PTCD2: variants seen among roughly 807,000 people sequenced by gnomAD.
The protein encoded by PTCD2 is pentatricopeptide repeat-containing protein 2, mitochondrial.
PTCD2 carries 31 observed loss-of-function variants against 42.6 expected under a neutral mutation model. The observed-to-expected ratio is 0.73, with a 90% CI of 0.55 to 0.98. The LOEUF (loss-of-function observed/expected upper bound fraction) is 0.98. PTCD2 is among the 50% of genes least tolerant of loss of function. PTCD2 has a pLI of 0.00. For synonymous variants in PTCD2, 183 were observed against 170.9 expected, an observed-to-expected ratio of 1.07 and a Z score of -0.55; for missense variants, 476 against 454.8, an observed-to-expected ratio of 1.05 and a Z score of -0.42.
chr5:72,364,020 A>G lies in PTCD2; in HGVS notation c.*5593A>G, dbSNP rs1249628247. On this transcript the variant is annotated 3_prime_UTR_variant, in exon 10 of 10. Coordinates refer to ENST00000380639, the MANE Select transcript of PTCD2 (RefSeq NM_024754.5). ...ATAAGAAACCGTGAGGAACCAAATCATGGTAAAATTGATTCTAAGGAAATG... is the reference window on the plus strand; with the variant it reads ...ATAAGAAACCGTGAGGAACCAAATCGTGGTAAAATTGATTCTAAGGAAATG... The G allele has an allele frequency of 1.3e-5, 2 of 152,216 alleles. No homozygotes were observed. Among genetic ancestry groups the G allele is most frequent in the Non-Finnish European group, 2.9e-5 (2 of 68,032 alleles). 9.4% of individuals were successfully genotyped at this position (152,216 alleles called of 1,614,324 possible).
At chr5:72,337,748 G>T (rs778236582) in intron 6 of PTCD2, among the ~76,000 whole-genome samples, 5 of 152,130 alleles carry the variant, frequency 3.3e-5, no homozygotes, top group Non-Finnish European at 5.9e-5. Flanking sequence ...AGCTGAAATC[G>T]CACCATTGCA....
chr5:72,328,542 A>G (rs1445436888), intron 3 of PTCD2, among the ~76,000 whole-genome samples: 1 of 152,326 alleles, frequency 6.6e-6, no homozygotes, highest in African/African-American at 2.4e-5. Context: ...ATGCACATAC[A>G]GAGAGGGAAG....
rs1751930758 is a variant in PTCD2 at position 72,339,421 on chromosome 5, TTTTCCTGGCTGGTA to T, written c.753+687_753+700del. ...GAAAAATAGTAACCAAGCCAGGTTA[TTTTCCTGGCTGGTA>T]AAATATAGCTGGAGAACTCTTATTA... On this transcript the variant is annotated intron_variant, in intron 7 of 9. Coordinates refer to ENST00000380639, the MANE Select transcript of PTCD2 (RefSeq NM_024754.5). Among the ~76,000 whole-genome samples, 3 of 152,336 alleles carry T rather than the reference TTTTCCTGGCTGGTA, an allele frequency of 2.0e-5. No homozygotes were observed. The South Asian group carries it at 6.2e-4, about 32-fold the overall frequency.
chr5:72,321,154 C>T (rs1178527883), intron 1 of PTCD2: 1 of 152,322 alleles, frequency 6.6e-6, no homozygotes, highest in Non-Finnish European at 1.5e-5. Context: ...AGTCTCAGTT[C>T]TGCTAACAAT....
chr5:72,355,656 T>C (rs1223777069), intron 9 of PTCD2, among the ~76,000 whole-genome samples: 2 of 152,290 alleles, frequency 1.3e-5, no homozygotes, highest in South Asian at 2.1e-4. Context: ...AGTACACAAA[T>C]TGGAATTCTT....
At chr5:72,358,098 C>A in intron 9 of PTCD2, 105 bp from the exon 10 acceptor site, 1 of 1,041,892 alleles carries the variant, frequency 9.6e-7, no homozygotes, top group Non-Finnish European at 1.4e-6. Context: ...CTCGCCTGGC[C>A]TACCATACAT....
At chr5:72,343,097 A>T in intron 8 of PTCD2, 61 bp downstream of exon 8, 1 of 863,630 alleles carries the variant, frequency 1.2e-6, no homozygotes, top group Non-Finnish European at 1.6e-6. Flanking sequence ...AATGTATTAT[A>T]ATAAAATTAT....
intron 3 of PTCD2, among the ~76,000 whole-genome samples, chr5:72,328,910 AG>A (rs1751281990): frequency 6.6e-6 from 1 of 152,168 alleles, no homozygotes; most frequent in African/African-American, 2.4e-5. Flanking sequence ...TTTGGGGATC[AG>A]GGGGTATGAA....
At chr5:72,349,029 T>C (rs1752495255) in intron 8 of PTCD2, among the ~76,000 whole-genome samples, 1 of 152,248 alleles carries the variant, frequency 6.6e-6, no homozygotes, top group Admixed American at 6.5e-5. Flanking sequence ...TTGGGAGCAA[T>C]GTAGACTCCA....
Position 72,363,011 on chromosome 5 carries a change from G to T in PTCD2, c.*4584G>T, listed in dbSNP as rs2112255563. The T allele has an allele frequency of 6.6e-6, 1 of 152,322 alleles. No homozygotes were observed. Among genetic ancestry groups the T allele is most frequent in the East Asian group, 1.9e-4 (1 of 5,190 alleles). 9.4% of individuals were successfully genotyped at this position (152,322 alleles called of 1,614,324 possible). A position where few individuals can be genotyped will look rare whatever the true frequency, so the allele number is the denominator to read the frequency against. ...ATGAATATTGTTGGGATATTATAATGAGGAGGTAAGGATTTACCTGCTACA... is the reference window on the plus strand; with the variant it reads ...ATGAATATTGTTGGGATATTATAATTAGGAGGTAAGGATTTACCTGCTACA... On this transcript the variant is annotated 3_prime_UTR_variant, in exon 10 of 10. Transcript: ENST00000380639.
intron 8 of PTCD2, among the ~76,000 whole-genome samples, chr5:72,346,871 G>GA (rs1326521747): frequency 1.3e-5 from 2 of 152,166 alleles, no homozygotes; most frequent in African/African-American, 4.8e-5. Context: ...CATCAGGAAG[G>GA]AAAGAAAGGA....
chr5:72,351,436 TAA>T (rs1445508102), intron 8 of PTCD2, among the ~76,000 whole-genome samples: 8 of 152,202 alleles, frequency 5.3e-5, no homozygotes, highest in African/African-American at 1.9e-4. Context: ...TGCAACTTCC[TAA>T]AAACAGAAAA....
In PTCD2 at chr5:72,326,593, A is replaced by G. The variant is rs1751151195; in HGVS notation, c.221-19A>G. 6.2e-7 allele frequency: 1 copy of G among 1,613,776 alleles called. No homozygotes were observed. Among genetic ancestry groups the G allele is most frequent in the Non-Finnish European group, 8.5e-7 (1 of 1,179,902 alleles). ...TCAGTCAGCCTGAGTGATGGTCACC[A>G]TACTGTGCTTTCTTCCAGAAACGTA... On this transcript the variant is annotated intron_variant, in intron 2 of 9. Transcript: ENST00000380639.
rs916879387 is a variant in PTCD2 at position 72,326,523 on chromosome 5, G to A, written c.221-89G>A. 1.4e-5 allele frequency: 20 copies of A among 1,432,348 alleles called. No homozygotes were observed. The African/African-American group carries it at 1.4e-4, about 10-fold the overall frequency. 88.7% of individuals were successfully genotyped at this position (1,432,348 alleles called of 1,614,324 possible). A position where few individuals can be genotyped will look rare whatever the true frequency, so the allele number is the denominator to read the frequency against. On this transcript the variant is annotated intron_variant, in intron 2 of 9. Coordinates refer to ENST00000380639, the MANE Select transcript of PTCD2 (RefSeq NM_024754.5). ...TCTCAGTGCCCCTCTGCAGTGAGCCGGGGTTGGGCTTCCCCATCTTCCTGA... is the reference window on the plus strand; with the variant it reads ...TCTCAGTGCCCCTCTGCAGTGAGCCAGGGTTGGGCTTCCCCATCTTCCTGA...
chr5:72,332,075 T>C (rs1383772563), intron 4 of PTCD2, among the ~76,000 whole-genome samples: 1 of 152,214 alleles, frequency 6.6e-6, no homozygotes, highest in Non-Finnish European at 1.5e-5. Context: ...AGTGTAAGCT[T>C]AGACTGCTTT....
intron 2 of PTCD2, among the ~76,000 whole-genome samples, chr5:72,324,067 A>G (rs949790391): frequency 1.3e-5 from 2 of 152,136 alleles, no homozygotes; most frequent in African/African-American, 4.8e-5. Flanking sequence ...AATGGGGGGA[A>G]TATATTTATC....
chr5:72,358,207 C>G lies in PTCD2; in HGVS notation c.947C>G (p.Ala316Gly), dbSNP rs1248707505. The change falls in exon 10 of 10, where the codon GCC (alanine) becomes GGC (glycine). Residue 316 changes from alanine (A) to glycine (G), a missense_variant. Transcript: ENST00000380639. ...KRHVFSEEVL[A>G]KVREKVKDVP... ...TGTGTTCTTGCTTTTTTCCAGCTGG[C>G]CAAAGTGAGGGAAAAAGTGAAGGAT... 3 of 1,613,344 alleles carry G rather than the reference C, an allele frequency of 1.9e-6. No homozygotes were observed. In the Admixed American group the frequency reaches 5.0e-5, roughly 27 times the overall value.
chr5:72,333,184 T>C (rs1387458269), intron 4 of PTCD2, among the ~76,000 whole-genome samples: 1 of 152,122 alleles, frequency 6.6e-6, no homozygotes, highest in African/African-American at 2.4e-5. Context: ...CCTTGCTGAC[T>C]TCACTCTGGA....
Position 72,364,756 on chromosome 5 carries a change from C to T in PTCD2, c.*6329C>T, listed in dbSNP as rs1753163149. The T allele has an allele frequency of 6.6e-6, 1 of 152,158 alleles. No individual in the cohort carries two copies. The highest frequency in any genetic ancestry group is 1.5e-5 in the Non-Finnish European group (1 of 68,036). 9.4% of individuals were successfully genotyped at this position (152,158 alleles called of 1,614,324 possible). On this transcript the variant is annotated 3_prime_UTR_variant, in exon 10 of 10. Transcript: ENST00000380639. Reference sequence around the variant, plus strand: ...GACACAGACAAGTAGAATGACTTGCCTGTGCGGGGGTCCTGGGTTGGCCAG... The same window carrying T: ...GACACAGACAAGTAGAATGACTTGCTTGTGCGGGGGTCCTGGGTTGGCCAG...
Sources: gnomAD v4.1 joint callset for allele counts (sites outside exome capture counted in the v4.1 genomes callset) on GRCh38, gnomAD v4.1.1 for gene constraint, MANE v1.5 for transcripts, NCBI Gene and HGNC (gene_info 2026-07-23, HGNC 2026-07-21) for gene names.